Variants in NLGN1 observed in about 807,000 individuals in gnomAD.
NLGN1 encodes neuroligin-1.
NLGN1 carries 12 observed loss-of-function variants against 65.5 expected under a neutral mutation model. The ratio of observed to expected loss-of-function variants is 0.18; its 90% CI spans 0.12 to 0.30. The LOEUF is 0.30. NLGN1 is among the 10% of genes least tolerant of loss of function. NLGN1 has a pLI of 1.00. For synonymous variants in NLGN1, 350 were observed against 359.5 expected (o/e 0.97, Z 0.30); for missense variants, 750 against 1,007.1 (o/e 0.74, Z 3.46).
At chr3:173,841,435 T>C (rs962126192) in intron 4 of NLGN1, among the ~76,000 whole-genome samples, 14 of 152,114 alleles carry the variant, frequency 9.2e-5, no homozygotes, top group Non-Finnish European at 2.1e-4. Flanking sequence ...GAGGAGGTTG[T>C]TAAGGGGGAA....
In NLGN1 at chr3:174,275,429, G is replaced by GAATC; in HGVS notation, c.763_766dup (p.Thr256AsnfsTer23). 1 of 1,612,628 alleles carries GAATC rather than the reference G, an allele frequency of 6.2e-7. No individual in the cohort carries two copies. The highest frequency in any genetic ancestry group is 8.5e-7 in the Non-Finnish European group (1 of 1,179,080). On this transcript the variant is annotated frameshift_variant, in exon 5 of 7. Transcript: ENST00000457714. LOFTEE classifies it high-confidence loss of function. The stretch of plus-strand genomic sequence containing the variant: ...GGATTCTTTGGTGGTGACCCCTTAA[G>GAATC]AATCACTGTTTTTGGATCTGGTGCT...
chr3:173,594,097 T>A (rs752345405), intron 2 of NLGN1, among the ~76,000 whole-genome samples: 11 of 152,140 alleles, frequency 7.2e-5, no homozygotes, highest in Non-Finnish European at 1.5e-4. Context: ...CCAAATCTCA[T>A]GTCCTCGCAT....
At chr3:173,397,470 C>T (rs1716806276), upstream of NLGN1, among the ~76,000 whole-genome samples, 1 of 152,130 alleles carries the variant, frequency 6.6e-6, no homozygotes, top group South Asian at 2.1e-4. Flanking sequence ...CGCGGCATCT[C>T]CAGCCCCGGC....
chr3:174,234,363 G>T (rs548741384), intron 4 of NLGN1, among the ~76,000 whole-genome samples: 1 of 152,194 alleles, frequency 6.6e-6, no homozygotes, highest in South Asian at 2.1e-4. Flanking sequence ...CCCTTGGGTT[G>T]GGTTGTCTGC....
intron 3 of NLGN1, among the ~76,000 whole-genome samples, chr3:173,793,582 T>C (rs1437393816): frequency 2.6e-5 from 4 of 152,294 alleles, no homozygotes; most frequent in Non-Finnish European, 5.9e-5. Context: ...TGAATTTAAC[T>C]TTAAATACAT....
rs536028442 is a variant in NLGN1 at position 173,455,760 on chromosome 3, G to GTA, written c.-321+20692_-321+20693dup. Among the ~76,000 whole-genome samples the GTA allele has an allele frequency of 3.0e-4, 45 of 151,976 alleles. 1 individual carries two copies. The East Asian group carries it at 5.6e-3, about 19-fold the overall frequency. On this transcript the variant is annotated intron_variant, in intron 2 of 6. Coordinates refer to ENST00000457714, the Ensembl canonical transcript of NLGN1. ...TATATATATGTATATATGTGTGTGTGTATATATATATGTTTATAGAGATTT... is the reference window on the plus strand; with the variant it reads ...TATATATATGTATATATGTGTGTGTGTATATATATATATGTTTATAGAGATTT...
chr3:173,465,804 C>T (rs936344597), intron 2 of NLGN1, among the ~76,000 whole-genome samples: 2 of 152,092 alleles, frequency 1.3e-5, no homozygotes, highest in Non-Finnish European at 2.9e-5. Flanking sequence ...CCAGTGCCTC[C>T]AACATCTAGT....
intron 4 of NLGN1, among the ~76,000 whole-genome samples, chr3:173,852,407 T>G (rs980375275): frequency 1.3e-4 from 17 of 133,184 alleles, no homozygotes; most frequent in African/African-American, 4.7e-4. Flanking sequence ...TTATTTAGAT[T>G]GGAAAATAAA....
At chr3:173,741,012 G>A (rs1486818954) in intron 3 of NLGN1, among the ~76,000 whole-genome samples, 2 of 152,094 alleles carry the variant, frequency 1.3e-5, no homozygotes, top group East Asian at 1.9e-4. Flanking sequence ...ACAAAATTAA[G>A]CGTTTATGAA....
At chr3:173,927,874 G>A (rs567186519) in intron 4 of NLGN1, among the ~76,000 whole-genome samples, 1 of 152,250 alleles carries the variant, frequency 6.6e-6, no homozygotes, top group East Asian at 1.9e-4. Flanking sequence ...GATCCCTGTA[G>A]CATGCTTCTT....
intron 3 of NLGN1, among the ~76,000 whole-genome samples, chr3:173,661,698 T>C (rs1255054546): frequency 1.3e-5 from 2 of 152,038 alleles, no homozygotes; most frequent in Non-Finnish European, 2.9e-5. Flanking sequence ...AGCTATCTCT[T>C]AATAAAGTTA....
At chr3:174,229,256 C>T (rs1740263885) in intron 4 of NLGN1, among the ~76,000 whole-genome samples, 1 of 151,968 alleles carries the variant, frequency 6.6e-6, no homozygotes, top group South Asian at 2.1e-4. Flanking sequence ...TGGTGCCAGG[C>T]AGAAGTAGAT....
chr3:173,833,643 C>G (rs571061268), intron 4 of NLGN1, among the ~76,000 whole-genome samples: 2 of 152,078 alleles, frequency 1.3e-5, no homozygotes, highest in African/African-American at 4.8e-5. Context: ...CCTCAGCCCC[C>G]CAGTGGCTGG....
At chr3:173,901,406 A>G (rs1415790114) in intron 4 of NLGN1, among the ~76,000 whole-genome samples, 2 of 149,680 alleles carry the variant, frequency 1.3e-5, no homozygotes, top group East Asian at 4.0e-4. Context: ...GTGGCTTGGC[A>G]TTTCTCTATG....
In NLGN1 at chr3:174,280,886, A is replaced by G. The variant is rs756752639; in HGVS notation, c.2055A>G (p.Ser685=). ...GTGTCACTATTGCAGTTGGAGCATC[A>G]CTGCTGTTTCTGAACATCTTGGCCT... The change falls in exon 7 of 7, where the codon TCA becomes TCG. Residue 685 remains serine, a synonymous_variant. Coordinates refer to ENST00000457714, the Ensembl canonical transcript of NLGN1. This position sits in a 1 kb window ranked among gnomAD's most constrained non-coding sequence, Gnocchi z 4.9. 9 of 1,613,308 alleles carry G rather than the reference A, an allele frequency of 5.6e-6. No homozygotes were observed. The highest frequency in any genetic ancestry group is 1.3e-5 in the African/African-American group (1 of 74,826).
At chr3:173,870,211 A>C (rs534512650) in intron 4 of NLGN1, among the ~76,000 whole-genome samples, 1 of 152,196 alleles carries the variant, frequency 6.6e-6, no homozygotes, top group African/African-American at 2.4e-5. Context: ...ATTAAGTTGC[A>C]TGTATTTATA....
intron 4 of NLGN1, among the ~76,000 whole-genome samples, chr3:174,149,749 C>A (rs1723983087): frequency 6.6e-6 from 1 of 151,840 alleles, no homozygotes; most frequent in Non-Finnish European, 1.5e-5. Flanking sequence ...ATAATAATAA[C>A]ACAGTAGAGA....
At chr3:173,668,886 AG>A (rs1346616589) in intron 3 of NLGN1, among the ~76,000 whole-genome samples, 1 of 151,968 alleles carries the variant, frequency 6.6e-6, no homozygotes, top group Non-Finnish European at 1.5e-5. Flanking sequence ...GGCCTCCCAA[AG>A]TGCTGGGATT....
At chr3:174,088,524 A>G (rs770380457) in intron 4 of NLGN1, among the ~76,000 whole-genome samples, 7 of 152,110 alleles carry the variant, frequency 4.6e-5, no homozygotes, top group Non-Finnish European at 7.4e-5. Flanking sequence ...TGGGAGGCTG[A>G]GGCAGGCGGA....
Sources: allele counts gnomAD v4.1 joint callset (sites outside exome capture counted in the v4.1 genomes callset), GRCh38; gene constraint gnomAD v4.1.1; non-coding constraint Gnocchi (gnomAD v3.1); transcripts MANE v1.5; gene names NCBI Gene and HGNC (gene_info 2026-07-23, HGNC 2026-07-21).